Variants in NDST4 observed in about 807,000 individuals in gnomAD.
NDST4 encodes the protein N-deacetylase and N-sulfotransferase 4.
NDST4 carries 63 observed loss-of-function variants against 100.8 expected under a neutral mutation model. That is an observed-to-expected ratio of 0.62 (90% CI 0.51 to 0.77). The LOEUF (loss-of-function observed/expected upper bound fraction) is 0.77, where lower values mean the gene tolerates loss of function less well. Ranked by LOEUF, NDST4 falls within the 30% of genes least tolerant of loss-of-function variation. The pLI is 0.00. For missense variants in NDST4, 943 were observed against 1,018.4 expected, an observed-to-expected ratio of 0.93 and a Z score of 1.01; for synonymous variants, 377 against 361.8, an observed-to-expected ratio of 1.04 and a Z score of -0.48.
chr4:114,853,244 T>G (rs1215777903), intron 7 of NDST4, among the ~76,000 whole-genome samples: 1 of 151,248 alleles, frequency 6.6e-6, no homozygotes, highest in Non-Finnish European at 1.5e-5. Flanking sequence ...TGGCCAACTT[T>G]TCCTTTTCAT....
At chr4:115,041,530 C>G (rs1453753205) in intron 2 of NDST4, among the ~76,000 whole-genome samples, 1 of 151,952 alleles carries the variant, frequency 6.6e-6, no homozygotes, top group African/African-American at 2.4e-5. Flanking sequence ...TAGCTGTGTG[C>G]TGACAGGCTA....
chr4:115,002,773 G>A (rs1727322633), intron 2 of NDST4, among the ~76,000 whole-genome samples: 2 of 152,124 alleles, frequency 1.3e-5, no homozygotes, highest in African/African-American at 2.4e-5. Context: ...AAAGACACAT[G>A]CACATGTAGG....
chr4:114,837,292 T>C (rs757551163), intron 11 of NDST4, among the ~76,000 whole-genome samples: 2 of 152,118 alleles, frequency 1.3e-5, no homozygotes, highest in Non-Finnish European at 2.9e-5. Context: ...AACCTTTGGA[T>C]GGGGTTTTTG....
chr4:115,057,697 C>T lies in NDST4; in HGVS notation c.978+18362G>A, dbSNP rs75317044. Among the ~76,000 whole-genome samples, 1,254 of 129,610 alleles carry T rather than the reference C, an allele frequency of 9.7e-3. 22 individuals are homozygous for T. Among genetic ancestry groups the T allele is most frequent in the African/African-American group, 0.036 (1,165 of 32,366 alleles). The allele number at this position is 129,610 out of a possible 152,430, so 85.0% of individuals were successfully genotyped here. A position where few individuals can be genotyped will look rare whatever the true frequency, so the allele number is the denominator to read the frequency against. On this transcript the variant is annotated intron_variant, in intron 2 of 13. Coordinates refer to ENST00000264363, the MANE Select transcript of NDST4 (RefSeq NM_022569.3). ...GAAATTTTCCACTTAGCTATGCGTG[C>T]GCACGCACACACACACACACACACA...
At chr4:114,855,000 G>T (rs1723762167) in intron 7 of NDST4, among the ~76,000 whole-genome samples, 1 of 152,152 alleles carries the variant, frequency 6.6e-6, no homozygotes, top group South Asian at 2.1e-4. Context: ...GCATCTCATT[G>T]TAGTTTTGAT....
intron 2 of NDST4, among the ~76,000 whole-genome samples, chr4:114,980,408 G>A (rs184309157): frequency 1.3e-3 from 203 of 152,260 alleles, no homozygotes; most frequent in South Asian, 7.9e-3. Flanking sequence ...TTGGGACGCC[G>A]AGGCAGGTGG....
At chr4:114,991,238 T>G (rs919122571) in intron 2 of NDST4, among the ~76,000 whole-genome samples, 1 of 152,038 alleles carries the variant, frequency 6.6e-6, no homozygotes, top group African/African-American at 2.4e-5. Context: ...TACAACATGA[T>G]AGCTAATGTG....
rs765349539 is a variant in NDST4 at position 115,076,648 on chromosome 4, A to T, written c.389T>A (p.Leu130Ter). 1 of 1,613,778 alleles carries T rather than the reference A, an allele frequency of 6.2e-7. No homozygotes were observed. The highest frequency in any genetic ancestry group is 8.5e-7 in the Non-Finnish European group (1 of 1,179,800). Residue 130 changes from leucine (L) to a stop codon, truncating the protein, a stop_gained, in exon 2 of 14, where the codon TTA becomes TAA. Transcript: ENST00000264363. LOFTEE classifies it high-confidence loss of function. ...LTDNGKGKYT[L>*]VIYENILKYV... ...CTTCAGAATATTTTCATAAATAACT[A>T]AAGTATATTTCCCTTTGCCATTATC...
intron 2 of NDST4, among the ~76,000 whole-genome samples, chr4:114,994,368 T>C (rs114475982): frequency 1.6e-3 from 246 of 152,134 alleles, no homozygotes; most frequent in African/African-American, 5.5e-3. Flanking sequence ...CAAGTATACA[T>C]ACACGCTTGG....
intron 8 of NDST4, among the ~76,000 whole-genome samples, chr4:114,849,625 A>G (rs999291118): frequency 6.6e-6 from 1 of 152,216 alleles, no homozygotes; most frequent in Non-Finnish European, 1.5e-5. Context: ...CATGGGGACC[A>G]ACCACCTTGA....
intron 2 of NDST4, among the ~76,000 whole-genome samples, chr4:115,001,167 C>T: frequency 6.6e-6 from 1 of 152,046 alleles, no homozygotes; most frequent in East Asian, 1.9e-4. Flanking sequence ...ATCACTTTTG[C>T]TTTTCTTGCT....
At chr4:115,065,670 A>G (rs1419859616) in intron 2 of NDST4, among the ~76,000 whole-genome samples, 1 of 152,156 alleles carries the variant, frequency 6.6e-6, no homozygotes, top group Non-Finnish European at 1.5e-5. Context: ...TTCAAACAAT[A>G]TATTTTCCTT....
intron 2 of NDST4, among the ~76,000 whole-genome samples, chr4:115,015,621 T>C (rs1259525216): frequency 6.6e-6 from 1 of 152,106 alleles, no homozygotes; most frequent in Admixed American, 6.6e-5. Context: ...GTATTCCATA[T>C]GAACGTTCAC....
chr4:114,856,153 C>T (rs1457813623), intron 7 of NDST4, among the ~76,000 whole-genome samples: 3 of 151,846 alleles, frequency 2.0e-5, no homozygotes, highest in Non-Finnish European at 2.9e-5. Flanking sequence ...ACCTTCTCTT[C>T]TCAGATTCAA....
chr4:114,828,220 G>T (rs1043128520), intron 13 of NDST4, among the ~76,000 whole-genome samples: 1 of 152,002 alleles, frequency 6.6e-6, no homozygotes, highest in Non-Finnish European at 1.5e-5. Flanking sequence ...AAGAAAAAAC[G>T]ATGACAGGAG....
At chr4:114,840,162 G>A (rs914364199) in intron 10 of NDST4, among the ~76,000 whole-genome samples, 54 of 151,964 alleles carry the variant, frequency 3.6e-4, no homozygotes, top group African/African-American at 1.3e-3. Context: ...ATCACCCAAG[G>A]TCCTTTCTGT....
intron 6 of NDST4, among the ~76,000 whole-genome samples, chr4:114,907,073 T>C (rs1184063359): frequency 1.3e-5 from 2 of 152,152 alleles, no homozygotes; most frequent in Non-Finnish European, 2.9e-5. Context: ...ATTTCCCAGA[T>C]ATGATCCTAA....
intron 1 of NDST4, among the ~76,000 whole-genome samples, chr4:115,084,735 T>C (rs1306646547): frequency 6.6e-6 from 1 of 152,138 alleles, no homozygotes; most frequent in Non-Finnish European, 1.5e-5. Context: ...AAATCAAGAA[T>C]TGAAGTTTGA....
intron 6 of NDST4, among the ~76,000 whole-genome samples, chr4:114,923,300 A>G (rs1222774115): frequency 6.6e-6 from 1 of 152,236 alleles, no homozygotes; most frequent in Non-Finnish European, 1.5e-5. Flanking sequence ...TCTGAGGAAT[A>G]ACCAGAGGGA....
Sources: allele counts gnomAD v4.1 joint callset (sites outside exome capture counted in the v4.1 genomes callset), GRCh38; gene constraint gnomAD v4.1.1; transcripts MANE v1.5; gene names NCBI Gene and HGNC (gene_info 2026-07-23, HGNC 2026-07-21).